Variants in FBLN1 observed in about 807,000 individuals in gnomAD.
The protein encoded by FBLN1 is fibulin-1.
A neutral mutation model predicts 89.7 loss-of-function variants in FBLN1; 34 were observed. The observed-to-expected ratio is 0.38, with a 90% CI of 0.29 to 0.50. The LOEUF (loss-of-function observed/expected upper bound fraction) is 0.50, where lower values mean the gene tolerates loss of function less well. Ranked by LOEUF, FBLN1 falls within the 20% of genes least tolerant of loss-of-function variation. The pLI is 0.92. For synonymous variants in FBLN1, 393 were observed against 391.3 expected (o/e 1.00, Z -0.05); for missense variants, 777 against 988.1 (o/e 0.79, Z 2.86).
At chr22:45,555,462 C>T (rs900707881) in intron 14 of FBLN1, among the ~76,000 whole-genome samples, 2 of 151,964 alleles carry the variant, frequency 1.3e-5, no homozygotes, top group Non-Finnish European at 2.9e-5. Context: ...AGGAAGCATC[C>T]AGCACGGGAG....
chr22:45,524,402 C>T (rs1278109405), intron 2 of FBLN1, among the ~76,000 whole-genome samples: 1 of 152,214 alleles, frequency 6.6e-6, no homozygotes, highest in Non-Finnish European at 1.5e-5. Flanking sequence ...GTCACAGCCT[C>T]ATGGTTGTGT....
In FBLN1 at chr22:45,577,103, C is replaced by T. The variant is rs201795657; in HGVS notation, c.1967C>T (p.Thr656Ile). 7 of 1,614,100 alleles carry T rather than the reference C, an allele frequency of 4.3e-6. No individual in the cohort carries two copies. The South Asian group carries it at 6.6e-5, about 15-fold the overall frequency. ...ATCAAGCGTTACATGGACGGCATGACCGTGGGTGAGTGGCTGGGAATATCA... is the reference window on the plus strand; with the variant it reads ...ATCAAGCGTTACATGGACGGCATGATCGTGGGTGAGTGGCTGGGAATATCA... Reference protein sequence around the residue: ...DIIKRYMDGMTVGVVRQVRPI... With the variant: ...DIIKRYMDGMIVGVVRQVRPI... Residue 656 changes from threonine (T) to isoleucine (I), a missense_variant, in exon 16 of 17, where the codon ACC (threonine) becomes ATC (isoleucine). Thr to Ile is a moderately conservative substitution (Grantham distance 89, BLOSUM62 -1). Coordinates refer to ENST00000327858, the MANE Select transcript of FBLN1 (RefSeq NM_006486.3). This position sits in a 1 kb window ranked among gnomAD's most constrained non-coding sequence, Gnocchi z 6.6.
intron 12 of FBLN1, 113 bp downstream of exon 12, chr22:45,547,317 C>A: frequency 7.0e-7 from 1 of 1,428,674 alleles, no homozygotes; most frequent in Non-Finnish European, 9.6e-7. Flanking sequence ...GGGATTTCTT[C>A]ACCTGACAAA....
chr22:45,577,227 T>A lies in FBLN1; in HGVS notation c.1972+119T>A. ...TCCCCAAATTCAAGCCCACCCAACC[T>A]TCAGGGCCCAGCGCCGAGGCCACCA... On this transcript the variant is annotated intron_variant, in intron 16 of 16. Coordinates refer to ENST00000327858, the MANE Select transcript of FBLN1 (RefSeq NM_006486.3). The surrounding 1 kb of genome is among the most constrained non-coding windows in gnomAD (Gnocchi z 6.6). 8.4e-7 allele frequency: 1 copy of A among 1,194,304 alleles called. No homozygotes were observed. Among genetic ancestry groups the A allele is most frequent in the Non-Finnish European group, 1.2e-6 (1 of 828,718 alleles). 74.0% of individuals were successfully genotyped at this position (1,194,304 alleles called of 1,614,324 possible).
chr22:45,586,375 C>T (rs2089085977), intron 16 of FBLN1, among the ~76,000 whole-genome samples: 2 of 152,190 alleles, frequency 1.3e-5, no homozygotes, highest in African/African-American at 4.8e-5. Context: ...CTGCTGAACC[C>T]CCAGGGGTCG....
chr22:45,504,800 G>A (rs941215050), intron 1 of FBLN1, among the ~76,000 whole-genome samples: 1 of 152,220 alleles, frequency 6.6e-6, no homozygotes, highest in African/African-American at 2.4e-5. Flanking sequence ...GTAATTGGAA[G>A]GGTTTAAAAA....
At chr22:45,535,012 G>C (rs2088465597) in intron 7 of FBLN1, among the ~76,000 whole-genome samples, 188 bp from the exon 8 acceptor site, 1 of 152,168 alleles carries the variant, frequency 6.6e-6, no homozygotes, top group Non-Finnish European at 1.5e-5. Flanking sequence ...AGCTTTTTAA[G>C]TCTTTAGCAA....
At position 45,542,149 on chromosome 22, in the gene FBLN1, T is replaced by C; in HGVS notation, c.1067-6T>C. 1 of 1,614,204 alleles carries C rather than the reference T, an allele frequency of 6.2e-7. No homozygotes were observed. The highest frequency in any genetic ancestry group is 8.5e-7 in the Non-Finnish European group (1 of 1,180,042). On this transcript the variant is annotated splice_polypyrimidine_tract_variant and splice_region_variant and intron_variant, in intron 9 of 16. Coordinates refer to ENST00000327858, the MANE Select transcript of FBLN1 (RefSeq NM_006486.3). Reference sequence around the variant, plus strand: ...TTTCATCATGGCTTTCTTTCTCCTTTGCAAGATGTGGACGAGTGCGCGCCA... The same window carrying C: ...TTTCATCATGGCTTTCTTTCTCCTTCGCAAGATGTGGACGAGTGCGCGCCA...
At chr22:45,529,603 C>T (rs945142533) in intron 4 of FBLN1, among the ~76,000 whole-genome samples, 21 of 152,296 alleles carry the variant, frequency 1.4e-4, no homozygotes, top group Admixed American at 4.6e-4. Context: ...CGGTGGCTCA[C>T]GCCTGTAATC....
chr22:45,576,620 T>C lies in FBLN1; in HGVS notation c.1841-357T>C, dbSNP rs2088999359. On this transcript the variant is annotated intron_variant, in intron 15 of 16. Coordinates refer to ENST00000327858, the MANE Select transcript of FBLN1 (RefSeq NM_006486.3). This position sits in a 1 kb window ranked among gnomAD's most constrained non-coding sequence, Gnocchi z 5.2. ...GCCCACCCCTCTGGCCTTTCTGCTG[T>C]CTCCCTCTGTCCCCTCACTCGCTTT... Among the ~76,000 whole-genome samples, 1 of 152,024 alleles carries C rather than the reference T, an allele frequency of 6.6e-6. No individual in the cohort carries two copies. The highest frequency in any genetic ancestry group is 2.1e-4 in the South Asian group (1 of 4,822).
intron 1 of FBLN1, among the ~76,000 whole-genome samples, chr22:45,508,832 C>A (rs1406180163): frequency 6.6e-6 from 1 of 152,142 alleles, no homozygotes; most frequent in Non-Finnish European, 1.5e-5. Context: ...GGCATGGGGG[C>A]AGGAGGCAGA....
chr22:45,570,742 A>C (rs1012257218), intron 14 of FBLN1, among the ~76,000 whole-genome samples: 2 of 152,224 alleles, frequency 1.3e-5, no homozygotes, highest in East Asian at 3.8e-4. Context: ...GAAATTCCAC[A>C]TTGAAATAAC....
chr22:45,576,962 T>C lies in FBLN1; in HGVS notation c.1841-15T>C. On this transcript the variant is annotated splice_polypyrimidine_tract_variant and intron_variant, in intron 15 of 16. Coordinates refer to ENST00000327858, the MANE Select transcript of FBLN1 (RefSeq NM_006486.3). This position sits in a 1 kb window ranked among gnomAD's most constrained non-coding sequence, Gnocchi z 5.2. ...CAGGCTGTGCTGAGCCCTTCTCCAT[T>C]CTGTGCCTCTGCAGAGATCATCTTC... is the stretch of plus-strand genomic sequence containing the variant. 3 of 1,613,536 alleles carry C rather than the reference T, an allele frequency of 1.9e-6. No homozygotes were observed. Among genetic ancestry groups the C allele is most frequent in the Non-Finnish European group, 2.5e-6 (3 of 1,180,002 alleles).
chr22:45,545,181 T>C lies in FBLN1; in HGVS notation c.1321+1655T>C, dbSNP rs543220527. Among the ~76,000 whole-genome samples the C allele has an allele frequency of 1.9e-4, 29 of 152,250 alleles. No individual in the cohort carries two copies. Among genetic ancestry groups the C allele is most frequent in the African/African-American group, 6.7e-4 (28 of 41,546 alleles). ...GTCCTGGGCTTAGTTCACAAGAACGTGTATGGACAAGGAACAAGATTCACG... is the reference window on the plus strand; with the variant it reads ...GTCCTGGGCTTAGTTCACAAGAACGCGTATGGACAAGGAACAAGATTCACG... On this transcript the variant is annotated intron_variant, in intron 11 of 16. Transcript: ENST00000327858. The surrounding 1 kb of genome is among the most constrained non-coding windows in gnomAD (Gnocchi z 5.9).
intron 16 of FBLN1, among the ~76,000 whole-genome samples, chr22:45,589,095 TAAAAAA>T (rs2089113745): frequency 1.4e-5 from 2 of 146,168 alleles, no homozygotes; most frequent in Non-Finnish European, 3.0e-5. Flanking sequence ...TTTATATATA[TAAAAAA>T]TATATAAAAA....
At position 45,537,800 on chromosome 22, in the gene FBLN1, AG is replaced by A. The variant is rs2088501733; in HGVS notation, c.922+2466del. Among the ~76,000 whole-genome samples, 1 of 152,072 alleles carries A rather than the reference AG, an allele frequency of 6.6e-6. No homozygotes were observed. The highest frequency in any genetic ancestry group is 2.4e-5 in the African/African-American group (1 of 41,396). On this transcript the variant is annotated intron_variant, in intron 8 of 16. Transcript: ENST00000327858. This position sits in a 1 kb window ranked among gnomAD's most constrained non-coding sequence, Gnocchi z 5.7. ...GGCCCCTCGCCAGTCCCTTGCCAGC[AG>A]GGAGGGGTGGTTTTCGCTCAGCGCA... is the stretch of plus-strand genomic sequence containing the variant.
At chr22:45,504,770 G>A (rs929931194) in intron 1 of FBLN1, among the ~76,000 whole-genome samples, 9 of 152,192 alleles carry the variant, frequency 5.9e-5, no homozygotes, top group African/African-American at 1.9e-4. Flanking sequence ...GTGGCTCACT[G>A]CTGAGCCACA....
Position 45,574,361 on chromosome 22 carries a change from C to T in FBLN1, c.1698-150C>T. 1.2e-6 allele frequency: 1 copy of T among 816,878 alleles called. No homozygotes were observed. The highest frequency in any genetic ancestry group is 2.0e-5 in the Admixed American group (1 of 48,996). 50.6% of individuals were successfully genotyped at this position (816,878 alleles called of 1,614,324 possible). A position where few individuals can be genotyped will look rare whatever the true frequency, so the allele number is the denominator to read the frequency against. On this transcript the variant is annotated intron_variant, in intron 14 of 16. Coordinates refer to ENST00000327858, the MANE Select transcript of FBLN1 (RefSeq NM_006486.3). The surrounding 1 kb of genome is among the most constrained non-coding windows in gnomAD (Gnocchi z 4.1). ...GAAGCCTCCCCACAGAGCAGCCAGG[C>T]TGCAGAGACCACTGTCGTTCTCTGA...
intron 16 of FBLN1, among the ~76,000 whole-genome samples, chr22:45,589,112 T>C (rs535325431): frequency 6.8e-6 from 1 of 147,754 alleles, no homozygotes; most frequent in South Asian, 2.1e-4. Context: ...TATATAAAAA[T>C]ATTTTTATAT....
Sources: gnomAD v4.1 joint callset for allele counts (sites outside exome capture counted in the v4.1 genomes callset) on GRCh38, gnomAD v4.1.1 for gene constraint, Gnocchi (gnomAD v3.1) non-coding constraint, MANE v1.5 for transcripts, NCBI Gene and HGNC (gene_info 2026-07-23, HGNC 2026-07-21) for gene names.